GGA1: variants seen among roughly 807,000 people sequenced by gnomAD.
GGA1 encodes ADP-ribosylation factor-binding protein GGA1.
A neutral mutation model predicts 76.9 loss-of-function variants in GGA1; 18 were observed. The ratio of observed to expected loss-of-function variants is 0.23; its 90% CI spans 0.16 to 0.35. GGA1 has a LOEUF of 0.35. Ranked by LOEUF, GGA1 falls within the 10% of genes least tolerant of loss-of-function variation. GGA1 has a pLI of 1.00. For missense variants in GGA1, 755 were observed against 859.0 expected (o/e 0.88, Z 1.51); for synonymous variants, 342 against 354.7 (o/e 0.96, Z 0.40).
Position 37,632,340 on chromosome 22 carries a change from C to G in GGA1, c.1699-65C>G. Reference sequence around the variant, plus strand: ...CCCGGAGGGGAGCTGGCAGGCTGGGCCTGGTTCCTCAGAGCAGGACAAGCA... The same window carrying G: ...CCCGGAGGGGAGCTGGCAGGCTGGGGCTGGTTCCTCAGAGCAGGACAAGCA... On this transcript the variant is annotated intron_variant, in intron 15 of 16. Transcript: ENST00000343632. This position sits in a 1 kb window ranked among gnomAD's most constrained non-coding sequence, Gnocchi z 5.1. 7.2e-7 allele frequency: 1 copy of G among 1,382,394 alleles called. No individual in the cohort carries two copies. Among genetic ancestry groups the G allele is most frequent in the Non-Finnish European group, 1.0e-6 (1 of 971,256 alleles). 85.6% of individuals were successfully genotyped at this position (1,382,394 alleles called of 1,614,324 possible).
chr22:37,632,275 GT>G lies in GGA1; in HGVS notation c.1698+112del. On this transcript the variant is annotated intron_variant, in intron 15 of 16. Transcript: ENST00000343632. The surrounding 1 kb of genome is among the most constrained non-coding windows in gnomAD (Gnocchi z 5.1). Reference sequence around the variant, plus strand: ...GCAGGTCTCCCTCCCTTGCTGGGTGGTTGGTGTAGAAGGGACCAGAAGGACT... The same window carrying G: ...GCAGGTCTCCCTCCCTTGCTGGGTGGTGGTGTAGAAGGGACCAGAAGGACT... 1 of 1,333,714 alleles carries G rather than the reference GT, an allele frequency of 7.5e-7. No individual in the cohort carries two copies. The highest frequency in any genetic ancestry group is 2.3e-5 in the East Asian group (1 of 43,098). 82.6% of individuals were successfully genotyped at this position (1,333,714 alleles called of 1,614,324 possible).
In GGA1 at chr22:37,620,840, C is replaced by G. The variant is rs774104689; in HGVS notation, c.455C>G (p.Pro152Arg). 40 of 1,611,438 alleles carry G rather than the reference C, an allele frequency of 2.5e-5. 1 individual carries two copies. The highest frequency in any genetic ancestry group is 4.4e-5 in the South Asian group (4 of 91,046). ...QGIVKSDPKLPDDTTFPLPPP... is the reference protein window; with the variant it reads ...QGIVKSDPKLRDDTTFPLPPP... ...ATTGTAAAGTCCGACCCCAAGCTTC[C>G]AGATGACACTACCTTTCCCCTTCCT... The change falls in exon 6 of 17, where the codon CCA (proline) becomes CGA (arginine). Residue 152 changes from proline to arginine, a missense_variant. Pro to Arg is a moderately radical substitution (Grantham distance 103). Transcript: ENST00000343632.
chr22:37,630,946 C>A lies in GGA1; in HGVS notation c.1375C>A (p.Gln459Lys), dbSNP rs1200899148. 7.4e-6 allele frequency: 12 copies of A among 1,613,298 alleles called. No homozygotes were observed. The highest frequency in any genetic ancestry group is 9.3e-6 in the Non-Finnish European group (11 of 1,179,824). Reference protein sequence around the residue: ...PTPRLTLRDLQNKSSSCSSPS... With the variant: ...PTPRLTLRDLKNKSSSCSSPS... ...CCCCCGGCTCACACTCCGGGACCTG[C>A]AGAATAAGAGCAGCAGCTGCAGCTC... Residue 459 changes from glutamine to lysine, a missense_variant, in exon 14 of 17, where the codon CAG (glutamine) becomes AAG (lysine). By Grantham distance (53) the Gln-to-Lys change is moderately conservative (BLOSUM62 1). Transcript: ENST00000343632.
chr22:37,608,928 C>T, intron 1 of GGA1, 25 bp downstream of exon 1: 1 of 1,324,380 alleles, frequency 7.6e-7, no homozygotes, highest in Non-Finnish European at 9.6e-7. Flanking sequence ...GGGGCGCGGG[C>T]CGGACCGGAA....
rs139559470 is a variant in GGA1 at position 37,623,806 on chromosome 22, G to GC, written c.832+179dup. The GC allele has an allele frequency of 6.7e-3, 3,955 of 591,660 alleles. 127 individuals carry two copies. The African/African-American group carries it at 0.067, about 10-fold the overall frequency. The allele number at this position is 591,660 out of a possible 1,614,324, so 36.7% of individuals were successfully genotyped here. A position where few individuals can be genotyped will look rare whatever the true frequency, so the allele number is the denominator to read the frequency against. ...TCTCTGAGGACACAGAGCAGGGGCC[G>GC]CCCCCCTGTTGAGAGGCCCTGTGGG... On this transcript the variant is annotated intron_variant, in intron 9 of 16. Coordinates refer to ENST00000343632, the MANE Select transcript of GGA1 (RefSeq NM_013365.5). This position sits in a 1 kb window ranked among gnomAD's most constrained non-coding sequence, Gnocchi z 4.6.
intron 1 of GGA1, chr22:37,609,215 T>G: frequency 6.4e-6 from 8 of 1,256,024 alleles, no homozygotes; most frequent in Middle Eastern, 2.1e-4. Context: ...AAGGCTCACA[T>G]TGCTTCACGG....
rs531703171 is a variant in GGA1, at chr22:37,613,449, G to A, written c.44-741G>A. On this transcript the variant is annotated intron_variant, in intron 1 of 16. Coordinates refer to ENST00000343632, the MANE Select transcript of GGA1 (RefSeq NM_013365.5). ...GAGTCCCAGCTCTGTCACCCAGGCT[G>A]GAGGGCAGTGGCGAGACCTCGGCTC... Among the ~76,000 whole-genome samples the A allele has an allele frequency of 2.1e-4, 32 of 152,026 alleles. No individual in the cohort carries two copies. In the South Asian group the frequency reaches 4.4e-3, roughly 21 times the overall value.
At chr22:37,608,949 G>A (rs1284010753) in intron 1 of GGA1, 46 bp downstream of exon 1, 7 of 1,325,556 alleles carry the variant, frequency 5.3e-6, no homozygotes, top group African/African-American at 4.6e-5. Context: ...CCGGAACCGG[G>A]GGCACGAGGC....
chr22:37,617,285 G>C, intron 3 of GGA1: 1 of 1,320,916 alleles, frequency 7.6e-7, no homozygotes, highest in Non-Finnish European at 9.6e-7. Flanking sequence ...TCTCCAGGAA[G>C]CGTGTTCAAC....
At chr22:37,615,974 G>A (rs1222252217) in intron 2 of GGA1, among the ~76,000 whole-genome samples, 1 of 151,808 alleles carries the variant, frequency 6.6e-6, no homozygotes, top group African/African-American at 2.4e-5. Context: ...CCCAGCAGCT[G>A]GGACTACAGG....
chr22:37,620,159 A>AGTAGGGTG, intron 4 of GGA1, 79 bp from the exon 5 acceptor site: 1 of 1,527,360 alleles, frequency 6.5e-7, no homozygotes, highest in Non-Finnish European at 9.1e-7. Context: ...CTGGGGAGGC[A>AGTAGGGTG]GTAGGGTGTG....
At chr22:37,621,530 G>A in intron 6 of GGA1, 86 bp from the exon 7 acceptor site, 1 of 792,596 alleles carries the variant, frequency 1.3e-6, no homozygotes, top group Non-Finnish European at 2.1e-6. Flanking sequence ...CCCACAGGCA[G>A]GAAGCGGGGA....
At chr22:37,615,752 C>T (rs1242386449) in intron 2 of GGA1, among the ~76,000 whole-genome samples, 1 of 152,106 alleles carries the variant, frequency 6.6e-6, no homozygotes, top group African/African-American at 2.4e-5. Context: ...GACGGTGAGA[C>T]TCCATCTCAA....
In GGA1 at chr22:37,620,252, G is replaced by A. The variant is rs770389834; in HGVS notation, c.318G>A (p.Arg106=). Residue 106 remains arginine (R), a synonymous_variant, in exon 5 of 17, where the codon CGG becomes CGA. Coordinates refer to ENST00000343632, the MANE Select transcript of GGA1 (RefSeq NM_013365.5). The stretch of plus-strand genomic sequence containing the variant: ...TGTCCCTGAAGTATCTGGGCTCTCG[G>A]ACATCGGAGAAGGTGAAGAACAAGA... ...KVVSPKYLGS[R]TSEKVKNKIL... 1.2e-6 allele frequency: 2 copies of A among 1,614,046 alleles called. No homozygotes were observed.
intron 13 of GGA1, 88 bp downstream of exon 13, chr22:37,630,258 C>T (rs1177908772): frequency 1.0e-6 from 1 of 954,740 alleles, no homozygotes; most frequent in Non-Finnish European, 1.5e-6. Context: ...CCAGGCCCAG[C>T]AGGGAGAGGC....
chr22:37,608,938 A>G, intron 1 of GGA1, 35 bp downstream of exon 1: 1 of 1,306,272 alleles, frequency 7.7e-7, no homozygotes. Context: ...CCGGACCGGA[A>G]CCGGAACCGG....
chr22:37,628,679 G>A (rs1489110812), intron 11 of GGA1, among the ~76,000 whole-genome samples: 1 of 152,156 alleles, frequency 6.6e-6, no homozygotes, highest in African/African-American at 2.4e-5. Context: ...ATCTAGAAGG[G>A]ACCCACTGTC....
intron 2 of GGA1, among the ~76,000 whole-genome samples, chr22:37,614,664 A>G (rs2145895229): frequency 6.6e-6 from 1 of 152,372 alleles, no homozygotes; most frequent in East Asian, 1.9e-4. Context: ...AGGACGAACC[A>G]GAACTACCTG....
At chr22:37,609,078 GC>G in intron 1 of GGA1, 175 bp downstream of exon 1, 1 of 1,490,620 alleles carries the variant, frequency 6.7e-7, no homozygotes, top group East Asian at 3.0e-5. Context: ...GAGGACCCCG[GC>G]CCCGGCGCGG....
Sources: allele counts gnomAD v4.1 joint callset (sites outside exome capture counted in the v4.1 genomes callset), GRCh38; gene constraint gnomAD v4.1.1; non-coding constraint Gnocchi (gnomAD v3.1); transcripts MANE v1.5; gene names NCBI Gene and HGNC (gene_info 2026-07-23, HGNC 2026-07-21).